KLRG1: variants seen among roughly 807,000 people sequenced by gnomAD.
KLRG1 encodes the protein killer cell lectin-like receptor subfamily G member 1.
Under a neutral mutation model 21.8 loss-of-function variants are expected in KLRG1, and 16 were observed. The ratio of observed to expected loss-of-function variants is 0.73; its 90% confidence interval spans 0.50 to 1.11. The LOEUF (loss-of-function observed/expected upper bound fraction) is 1.11. Ranked by LOEUF, KLRG1 falls within the 50% of genes most tolerant of loss-of-function variation. The pLI is 0.00. For synonymous variants in KLRG1, 69 were observed against 75.9 expected (o/e 0.91, Z 0.47); for missense variants, 173 against 218.3 (o/e 0.79, Z 1.31).
At chr12:9,089,278 T>C in the KLRG1 span, 1 of 1,522,584 alleles carries the variant, frequency 6.6e-7, no homozygotes. Context: ...GAAAAGCTAG[T>C]GAGAATGGAC....
chr12:9,154,791 C>G, the KLRG1 span: 72 of 1,614,052 alleles, frequency 4.5e-5, no homozygotes, highest in East Asian at 1.5e-3. Flanking sequence ...GTAAAGATGC[C>G]CCACTGGTGC....
At chr12:9,039,341 C>T in the KLRG1 span, among the ~76,000 whole-genome samples, 1 of 152,358 alleles carries the variant, frequency 6.6e-6, no homozygotes, top group South Asian at 2.1e-4. Context: ...TTTTCCTTCT[C>T]TGATGACTTT....
the KLRG1 span, chr12:9,070,570 C>T: frequency 6.2e-7 from 1 of 1,612,782 alleles, no homozygotes; most frequent in Non-Finnish European, 8.5e-7. Context: ...AGAGCGGCTC[C>T]CTGTGTAACT....
chr12:9,045,423 A>G, the KLRG1 span, among the ~76,000 whole-genome samples: 3 of 152,224 alleles, frequency 2.0e-5, no homozygotes, highest in African/African-American at 7.2e-5. Context: ...ACCTCATGAT[A>G]ACTTACTTCA....
the KLRG1 span, chr12:9,127,924 G>T: frequency 5.8e-6 from 2 of 345,298 alleles, no homozygotes; most frequent in Non-Finnish European, 1.2e-5. Context: ...AAGATTCTTG[G>T]TGTCACCATT....
chr12:9,094,709 A>G, the KLRG1 span, among the ~76,000 whole-genome samples: 1 of 152,144 alleles, frequency 6.6e-6, no homozygotes, highest in Admixed American at 6.6e-5. Context: ...CTGATGGAGA[A>G]TGTAGTGTTG....
At chr12:9,065,479 C>T in the KLRG1 span, among the ~76,000 whole-genome samples, 3 of 152,136 alleles carry the variant, frequency 2.0e-5, no homozygotes, top group South Asian at 2.1e-4. Context: ...CCTGGCCGAG[C>T]GTGCACACGC....
At chr12:9,101,698 T>G in the KLRG1 span, 1 of 1,510,740 alleles carries the variant, frequency 6.6e-7, no homozygotes, top group Non-Finnish European at 9.1e-7. Flanking sequence ...AAAATTATAT[T>G]ATTTTTAGAT....
At chr12:9,045,251 G>A in the KLRG1 span, among the ~76,000 whole-genome samples, 1 of 152,170 alleles carries the variant, frequency 6.6e-6, no homozygotes, top group Non-Finnish European at 1.5e-5. Flanking sequence ...AGTTTTGCGA[G>A]AGAAGATACC....
the KLRG1 span, chr12:9,181,212 C>G: frequency 6.4e-7 from 1 of 1,568,486 alleles, no homozygotes; most frequent in Non-Finnish European, 8.7e-7. Context: ...CCTAAGCCAC[C>G]CTTATATTCA....
At chr12:9,185,969 G>A in the KLRG1 span, among the ~76,000 whole-genome samples, 1 of 151,756 alleles carries the variant, frequency 6.6e-6, no homozygotes, top group East Asian at 1.9e-4. Flanking sequence ...CATCACACCT[G>A]GCTAATTTTT....
the KLRG1 span, chr12:9,090,048 G>T: frequency 6.3e-7 from 1 of 1,578,870 alleles, no homozygotes; most frequent in South Asian, 1.2e-5. Context: ...CAGTAGAAAT[G>T]AATAGCATCT....
At chr12:9,081,713 G>A in the KLRG1 span, among the ~76,000 whole-genome samples, 1 of 152,184 alleles carries the variant, frequency 6.6e-6, no homozygotes, top group African/African-American at 2.4e-5. Context: ...TCTACAGCGG[G>A]GAAGAGAACC....
the KLRG1 span, among the ~76,000 whole-genome samples, chr12:9,065,520 C>G: frequency 6.6e-6 from 1 of 152,214 alleles, no homozygotes; most frequent in South Asian, 2.1e-4. Flanking sequence ...CAGCCCCCTG[C>G]CGTCTCGGCC....
At position 9,010,465 on chromosome 12, in the gene KLRG1, G is replaced by T; in HGVS notation, c.*928G>T. The T allele has an allele frequency of 6.4e-6, 1 of 157,446 alleles. No homozygotes were observed. The allele number at this position is 157,446 out of a possible 1,614,324, so 9.8% of individuals were successfully genotyped here. A position where few individuals can be genotyped will look rare whatever the true frequency, so the allele number is the denominator to read the frequency against. On this transcript the variant is annotated 3_prime_UTR_variant, in exon 5 of 5. Transcript: ENST00000356986. ...GAAAGTTTACAGAAACAGTTTATGT[G>T]GTTGGATCACCAAATTATCTTAGGT... is the stretch of plus-strand genomic sequence containing the variant.
the KLRG1 span, chr12:9,153,185 C>A: frequency 5.3e-5 from 85 of 1,614,086 alleles, no homozygotes; most frequent in Non-Finnish European, 7.1e-5. Flanking sequence ...GGAGCTCTGG[C>A]AATGAGATCT....
the KLRG1 span, among the ~76,000 whole-genome samples, chr12:9,038,206 A>G: frequency 6.6e-6 from 1 of 152,162 alleles, no homozygotes; most frequent in Non-Finnish European, 1.5e-5. Context: ...GATGGCAATA[A>G]GCTGTGATTG....
the KLRG1 span, among the ~76,000 whole-genome samples, chr12:9,126,996 TCTAG>T: frequency 2.0e-5 from 3 of 152,194 alleles, no homozygotes; most frequent in African/African-American, 7.2e-5. Flanking sequence ...GAGTAAAAGC[TCTAG>T]ACACTACATT....
the KLRG1 span, chr12:9,090,492 C>T: frequency 1.2e-6 from 2 of 1,613,136 alleles, no homozygotes; most frequent in African/African-American, 1.3e-5. Context: ...CCTGAAACCA[C>T]ACATAAGAAA....
Sources: gnomAD v4.1 joint callset for allele counts (sites outside exome capture counted in the v4.1 genomes callset) on GRCh38, gnomAD v4.1.1 for gene constraint, MANE v1.5 for transcripts, NCBI Gene and HGNC (gene_info 2026-07-23, HGNC 2026-07-21) for gene names.